Variants in SMG1 observed in about 807,000 individuals in gnomAD.
The protein encoded by SMG1 is SMG1 nonsense mediated mRNA decay associated PI3K related kinase.
SMG1 carries 22 observed loss-of-function variants against 419.9 expected under a neutral mutation model. The ratio of observed to expected loss-of-function variants is 0.05; its 90% CI spans 0.04 to 0.07. SMG1 has a LOEUF of 0.07. SMG1 is among the 10% of genes least tolerant of loss of function. The pLI is 1.00. For synonymous variants in SMG1, 1,538 were observed against 1,553.5 expected, an observed-to-expected ratio of 0.99 and a Z score of 0.23; for missense variants, 3,185 against 4,342.0, an observed-to-expected ratio of 0.73 and a Z score of 7.49.
chr16:18,910,420 G>A (rs568251493), intron 1 of SMG1, among the ~76,000 whole-genome samples: 7 of 151,068 alleles, frequency 4.6e-5, no homozygotes, highest in Middle Eastern at 3.5e-3. Flanking sequence ...TAGTAGAGAC[G>A]GAGTTTCACC....
At chr16:18,874,067 G>A (rs2035972152) in intron 13 of SMG1, among the ~76,000 whole-genome samples, 1 of 152,202 alleles carries the variant, frequency 6.6e-6, no homozygotes, top group African/African-American at 2.4e-5. Flanking sequence ...GCACATGTAA[G>A]CGCAAACATC....
chr16:18,866,846 G>T, intron 22 of SMG1, 71 bp from the exon 23 acceptor site: 7 of 1,353,768 alleles, frequency 5.2e-6, no homozygotes, highest in South Asian at 2.4e-5. Context: ...ATTTACAACT[G>T]ATCAGTCTGT....
rs1175651916 is a variant in SMG1 at position 18,919,522 on chromosome 16, G to A, written c.92+6428C>T. On this transcript the variant is annotated intron_variant, in intron 1 of 62. Coordinates refer to ENST00000446231, the MANE Select transcript of SMG1 (RefSeq NM_015092.5). The stretch of plus-strand genomic sequence containing the variant: ...ACCTGCAATCCCAGCTACTCAGGAG[G>A]ATGAGGCAGGAGAATGGCGTGAACC... Among the ~76,000 whole-genome samples, 4 of 151,912 alleles carry A rather than the reference G, an allele frequency of 2.6e-5. No individual in the cohort carries two copies. In the East Asian group the frequency reaches 7.8e-4, roughly 29 times the overall value.
intron 1 of SMG1, among the ~76,000 whole-genome samples, chr16:18,913,392 C>T (rs2037859257): frequency 6.6e-6 from 1 of 151,906 alleles, no homozygotes; most frequent in South Asian, 2.1e-4. Context: ...ACATATACAT[C>T]TTTTAACATC....
chr16:18,905,968 C>G (rs1252837437), intron 1 of SMG1, among the ~76,000 whole-genome samples: 1 of 152,122 alleles, frequency 6.6e-6, no homozygotes. Context: ...CAACAACACT[C>G]TTGCCTATAC....
chr16:18,818,941 T>C (rs905393619), intron 56 of SMG1, among the ~76,000 whole-genome samples: 1 of 151,636 alleles, frequency 6.6e-6, no homozygotes, highest in East Asian at 1.9e-4. Context: ...CTCAGACTCC[T>C]GAGCAGTTGG....
Position 18,815,525 on chromosome 16 carries a change from T to C in SMG1, c.10429A>G (p.Met3477Val), listed in dbSNP as rs760202459. 4.3e-6 allele frequency: 7 copies of C among 1,613,872 alleles called. No homozygotes were observed. The highest frequency in any genetic ancestry group is 2.2e-5 in the South Asian group (2 of 91,090). Residue 3477 changes from methionine (M) to valine (V), a missense_variant, in exon 59 of 63, where the codon ATG becomes GTG. By Grantham distance (21) the Met-to-Val change is conservative. Transcript: ENST00000446231. ...TGTTCTTGACTTCGAACCTGACCCA[T>C]AGCCTGGACTAATGTAAATAGAACT... Reference protein sequence around the residue: ...QTVLFTLVQAMGQVRSQEHVE... With the variant: ...QTVLFTLVQAVGQVRSQEHVE...
intron 35 of SMG1, 53 bp downstream of exon 35, chr16:18,849,896 T>TA: frequency 6.5e-7 from 1 of 1,535,756 alleles, no homozygotes; most frequent in Non-Finnish European, 8.8e-7. Flanking sequence ...TTTGAAATCT[T>TA]ATATATCCTA....
intron 1 of SMG1, among the ~76,000 whole-genome samples, chr16:18,901,359 C>T (rs1198029222): frequency 6.6e-6 from 1 of 152,024 alleles, no homozygotes; most frequent in Non-Finnish European, 1.5e-5. Flanking sequence ...GTGCATGCCA[C>T]CCCATTTAGC....
Position 18,918,756 on chromosome 16 carries a change from C to T in SMG1, c.92+7194G>A, listed in dbSNP as rs2038075031. Among the ~76,000 whole-genome samples, 4 of 152,158 alleles carry T rather than the reference C, an allele frequency of 2.6e-5. No individual in the cohort carries two copies. The South Asian group carries it at 6.2e-4, about 24-fold the overall frequency. On this transcript the variant is annotated intron_variant, in intron 1 of 62. Coordinates refer to ENST00000446231, the MANE Select transcript of SMG1 (RefSeq NM_015092.5). ...TAGAGACGGGGTTTCACCATGTTGG[C>T]CTGTAACCCCAGCACTTTGGGAGGT... is the stretch of plus-strand genomic sequence containing the variant.
chr16:18,828,937 G>A (rs565634736), intron 54 of SMG1, among the ~76,000 whole-genome samples: 3 of 151,984 alleles, frequency 2.0e-5, no homozygotes, highest in Non-Finnish European at 4.4e-5. Flanking sequence ...GGCGGAGGTT[G>A]CGGTGAGCCG....
At chr16:18,923,811 C>T (rs1395322925) in intron 1 of SMG1, among the ~76,000 whole-genome samples, 5 of 152,126 alleles carry the variant, frequency 3.3e-5, no homozygotes, top group African/African-American at 7.2e-5. Context: ...GATCAAGATC[C>T]GTTCTGTCAG....
At chr16:18,843,134 T>C (rs750855649) in intron 39 of SMG1, among the ~76,000 whole-genome samples, 9 of 152,166 alleles carry the variant, frequency 5.9e-5, no homozygotes, top group Non-Finnish European at 8.8e-5. Context: ...GTCCTTGCAA[T>C]AGGTACAGCT....
At chr16:18,846,290 C>G (rs1268371874) in intron 38 of SMG1, among the ~76,000 whole-genome samples, 1 of 152,048 alleles carries the variant, frequency 6.6e-6, no homozygotes, top group African/African-American at 2.4e-5. Context: ...TAGAAGAAAA[C>G]ATAAGGGAAA....
At chr16:18,828,626 A>G (rs889107867) in intron 54 of SMG1, among the ~76,000 whole-genome samples, 3 of 152,270 alleles carry the variant, frequency 2.0e-5, no homozygotes, top group African/African-American at 4.8e-5. Context: ...TATCACATCA[A>G]TAAGGCATCA....
chr16:18,900,205 G>A (rs1033227159), intron 1 of SMG1: 2 of 513,726 alleles, frequency 3.9e-6, no homozygotes, highest in African/African-American at 3.8e-5. Context: ...AAGCCACTCT[G>A]TGCCTTACAG....
chr16:18,906,717 T>C (rs1274173349), intron 1 of SMG1, among the ~76,000 whole-genome samples: 1 of 152,222 alleles, frequency 6.6e-6, no homozygotes, highest in Non-Finnish European at 1.5e-5. Context: ...AATCTGCCTT[T>C]ACTTGCTGCA....
intron 1 of SMG1, 82 bp from the exon 2 acceptor site, chr16:18,897,038 AT>A: frequency 1.0e-6 from 1 of 963,784 alleles, no homozygotes; most frequent in Non-Finnish European, 1.5e-6. Flanking sequence ...CTTCTCCCAA[AT>A]TTTACATTTA....
In SMG1 at chr16:18,858,173, T is replaced by C. The variant is rs1271476151; in HGVS notation, c.4231A>G (p.Lys1411Glu). ...ACAAGAAAAAAAAACCACTTACCTTTAATTTTCTCCAACAACTGATTCTGG... is the reference window on the plus strand; with the variant it reads ...ACAAGAAAAAAAAACCACTTACCTTCAATTTTCTCCAACAACTGATTCTGG... ...MYQNQLLEKIKEQTVPIRSHL... is the reference protein window; with the variant it reads ...MYQNQLLEKIEEQTVPIRSHL... Residue 1411 changes from lysine to glutamate, a missense_variant, in exon 29 of 63, where the codon AAA (lysine) becomes GAA (glutamate). By Grantham distance (56) the Lys-to-Glu change is moderately conservative. Around this residue, in one of 27 missense-constraint regions of SMG1, gnomAD observed 493 missense variants for 552.9 expected, o/e 0.89. Coordinates refer to ENST00000446231, the MANE Select transcript of SMG1 (RefSeq NM_015092.5). 5.8e-6 allele frequency: 9 copies of C among 1,550,276 alleles called. No homozygotes were observed. The highest frequency in any genetic ancestry group is 1.2e-5 in the South Asian group (1 of 81,248).
Sources: allele counts gnomAD v4.1 joint callset (sites outside exome capture counted in the v4.1 genomes callset), GRCh38; gene constraint gnomAD v4.1.1; regional missense constraint gnomAD v4.1.1; transcripts MANE v1.5; gene names NCBI Gene and HGNC (gene_info 2026-07-23, HGNC 2026-07-21).